The following RARA variants were observed in gnomAD, a reference collection of about 807,000 sequenced individuals.
RARA encodes the protein PML-DDX5-RARA fusion.
Under a neutral mutation model 42.8 loss-of-function variants are expected in RARA, and 5 were observed. The observed-to-expected ratio is 0.12, with a 90% CI of 0.06 to 0.25. The LOEUF (loss-of-function observed/expected upper bound fraction) is 0.25, where lower values mean the gene tolerates loss of function less well. Ranked by LOEUF, RARA falls within the 10% of genes least tolerant of loss-of-function variation. The pLI, the probability that RARA is intolerant of heterozygous loss-of-function variation, is 1.00. For synonymous variants in RARA, 256 were observed against 259.5 expected (o/e 0.99, Z 0.13); for missense variants, 402 against 628.7 (o/e 0.64, Z 3.86).
At chr17:40,318,982 G>A (rs923535507) in intron 1 of RARA, among the ~76,000 whole-genome samples, 1 of 152,338 alleles carries the variant, frequency 6.6e-6, no homozygotes, top group Non-Finnish European at 1.5e-5. Flanking sequence ...TTGGGTGCGG[G>A]AGCCAATGCA....
Position 40,356,262 on chromosome 17 carries a change from GC to G in RARA, c.*40del, listed in dbSNP as rs1452226981. On this transcript the variant is annotated 3_prime_UTR_variant, in exon 9 of 9. Coordinates refer to ENST00000254066, the MANE Select transcript of RARA (RefSeq NM_000964.4). ...CACATGGACACAGCCCTCGCCCTCC[GC>G]CCCGGCTTTTCTCTGCCTTTCTACC... 1 of 1,537,564 alleles carries G rather than the reference GC, an allele frequency of 6.5e-7. No individual in the cohort carries two copies. The highest frequency in any genetic ancestry group is 1.7e-4 in the Middle Eastern group (1 of 5,976).
Position 40,356,266 on chromosome 17 carries a change from C to T in RARA, c.*40C>T, listed in dbSNP as rs143781383. 26 of 1,532,628 alleles carry T rather than the reference C, an allele frequency of 1.7e-5. No homozygotes were observed. In the East Asian group the frequency reaches 3.4e-4, roughly 20 times the overall value. The allele number at this position is 1,532,628 out of a possible 1,614,324, so 94.9% of individuals were successfully genotyped here. On this transcript the variant is annotated 3_prime_UTR_variant, in exon 9 of 9. Transcript: ENST00000254066. ...TGGACACAGCCCTCGCCCTCCGCCC[C>T]GGCTTTTCTCTGCCTTTCTACCGAC... is the stretch of plus-strand genomic sequence containing the variant.
chr17:40,321,392 C>G (rs1298955087), intron 1 of RARA, among the ~76,000 whole-genome samples: 2 of 152,166 alleles, frequency 1.3e-5, no homozygotes, highest in Non-Finnish European at 2.9e-5. Flanking sequence ...CTCCCCACAA[C>G]TGGAGCCTCC....
rs1334644457 is a variant in RARA at position 40,320,918 on chromosome 17, C to A, written c.-362-9939C>A. Among the ~76,000 whole-genome samples the A allele has an allele frequency of 6.6e-6, 1 of 152,130 alleles. No individual in the cohort carries two copies. The highest frequency in any genetic ancestry group is 2.4e-5 in the African/African-American group (1 of 41,414). ...TTGGGAGTGTGGGAAGCTGGCAGGG[C>A]CCCTGGCAAGATGACCAGTGTTGTC... On this transcript the variant is annotated intron_variant, in intron 1 of 8. Coordinates refer to ENST00000254066, the MANE Select transcript of RARA (RefSeq NM_000964.4). This position sits in a 1 kb window ranked among gnomAD's most constrained non-coding sequence, Gnocchi z 4.1.
chr17:40,312,951 G>C (rs147731464), intron 1 of RARA, among the ~76,000 whole-genome samples: 1 of 152,208 alleles, frequency 6.6e-6, no homozygotes, highest in Non-Finnish European at 1.5e-5. Flanking sequence ...GGAGGACCAC[G>C]AGCCAGGCAC....
chr17:40,352,632 A>T lies in RARA; in HGVS notation c.807+125A>T, dbSNP rs1450081266. Reference sequence around the variant, plus strand: ...ACCTGTCCAAATGCCCACCGCCCAAATGTCTGCCCTTCCTCTCCCCATATG... The same window carrying T: ...ACCTGTCCAAATGCCCACCGCCCAATTGTCTGCCCTTCCTCTCCCCATATG... On this transcript the variant is annotated intron_variant, in intron 6 of 8. Coordinates refer to ENST00000254066, the MANE Select transcript of RARA (RefSeq NM_000964.4). This position sits in a 1 kb window ranked among gnomAD's most constrained non-coding sequence, Gnocchi z 4.9. The T allele has an allele frequency of 1.1e-6, 1 of 902,640 alleles. No homozygotes were observed. The highest frequency in any genetic ancestry group is 1.7e-5 in the African/African-American group (1 of 58,518). 55.9% of individuals were successfully genotyped at this position (902,640 alleles called of 1,614,324 possible).
chr17:40,342,983 C>T, intron 2 of RARA: 1 of 1,474,100 alleles, frequency 6.8e-7, no homozygotes, highest in Non-Finnish European at 9.0e-7. Context: ...CTCTACCTTT[C>T]ACTTAACCCG....
intron 2 of RARA, among the ~76,000 whole-genome samples, chr17:40,333,238 C>T (rs926574383): frequency 2.6e-5 from 4 of 152,138 alleles, no homozygotes; most frequent in South Asian, 2.1e-4. Flanking sequence ...TTAGTAGAGA[C>T]GGGATTTCTC....
chr17:40,325,173 C>G (rs979685781), intron 1 of RARA, among the ~76,000 whole-genome samples: 4 of 151,956 alleles, frequency 2.6e-5, no homozygotes, highest in Admixed American at 1.3e-4. Flanking sequence ...ATCGCTTGAA[C>G]CCGGGAGGCG....
rs2143238282 is a variant in RARA, at chr17:40,326,241, G to T, written c.-362-4616G>T. On this transcript the variant is annotated intron_variant, in intron 1 of 8. Coordinates refer to ENST00000254066, the MANE Select transcript of RARA (RefSeq NM_000964.4). This position sits in a 1 kb window ranked among gnomAD's most constrained non-coding sequence, Gnocchi z 5.2. ...GGCATGGGGATGGAGGGCTCCAGTT[G>T]CCCGGGCCTCCCCTGTGCCAAGCTC... Among the ~76,000 whole-genome samples, 1 of 152,348 alleles carries T rather than the reference G, an allele frequency of 6.6e-6. No homozygotes were observed. Among genetic ancestry groups the T allele is most frequent in the South Asian group, 2.1e-4 (1 of 4,832 alleles).
rs1366355043 is a variant in RARA, at chr17:40,355,744, A to G, written c.1172-265A>G. ...CAGAGGGGTCGGGATGATCCCTAGC[A>G]CACAGCACAGGGGAAGGAAGGGCTT... On this transcript the variant is annotated intron_variant, in intron 8 of 8. Transcript: ENST00000254066. The surrounding 1 kb of genome is among the most constrained non-coding windows in gnomAD (Gnocchi z 4.1). 6.6e-6 allele frequency among the ~76,000 whole-genome samples: 1 copy of G among 152,218 alleles called. No individual in the cohort carries two copies. Among genetic ancestry groups the G allele is most frequent in the African/African-American group, 2.4e-5 (1 of 41,448 alleles).
chr17:40,311,298 T>C (rs1013305618), intron 1 of RARA, among the ~76,000 whole-genome samples: 2 of 152,062 alleles, frequency 1.3e-5, no homozygotes, highest in Non-Finnish European at 2.9e-5. Context: ...ACCTTGGGCC[T>C]GCTGATTTCT....
chr17:40,350,815 C>A (rs1406174555), intron 4 of RARA, among the ~76,000 whole-genome samples: 1 of 139,600 alleles, frequency 7.2e-6, no homozygotes, highest in African/African-American at 3.3e-5. Flanking sequence ...GTCCTGAGCC[C>A]AGGAAGTGGC....
intron 4 of RARA, 125 bp downstream of exon 4, chr17:40,350,050 G>A (rs1044660653): frequency 2.8e-6 from 4 of 1,420,920 alleles, no homozygotes; most frequent in South Asian, 2.8e-5. Context: ...CGTGGTGTGC[G>A]GGCTCACGGT....
chr17:40,342,844 C>A, intron 2 of RARA: 12 of 1,612,978 alleles, frequency 7.4e-6, no homozygotes, highest in Non-Finnish European at 1.0e-5. Context: ...CTCCGGACTC[C>A]GCTTTGGAAT....
At chr17:40,324,421 AC>A (rs2033480362) in intron 1 of RARA, among the ~76,000 whole-genome samples, 1 of 151,664 alleles carries the variant, frequency 6.6e-6, no homozygotes, top group Non-Finnish European at 1.5e-5. Context: ...CCTCTCAGAC[AC>A]CCTGGGCTTC....
intron 1 of RARA, among the ~76,000 whole-genome samples, chr17:40,315,342 G>C (rs1055442593): frequency 2.0e-5 from 3 of 151,652 alleles, no homozygotes; most frequent in African/African-American, 7.3e-5. Context: ...CACCATACCT[G>C]GCCTGGGTTT....
chr17:40,343,414 C>G (rs1382321376), intron 2 of RARA, among the ~76,000 whole-genome samples: 3 of 152,238 alleles, frequency 2.0e-5, no homozygotes, highest in African/African-American at 7.2e-5. Context: ...TGGGGTGTGG[C>G]AGAAAGGGGC....
intron 2 of RARA, chr17:40,342,708 T>C (rs936708241): frequency 6.2e-6 from 10 of 1,611,146 alleles, no homozygotes; most frequent in Admixed American, 1.7e-5. Context: ...GGGAAAGATG[T>C]ACGAGAGTGT....
Sources: allele counts gnomAD v4.1 joint callset (sites outside exome capture counted in the v4.1 genomes callset), GRCh38; gene constraint gnomAD v4.1.1; non-coding constraint Gnocchi (gnomAD v3.1); transcripts MANE v1.5; gene names NCBI Gene and HGNC (gene_info 2026-07-23, HGNC 2026-07-21).